The following WWOX variants were observed in gnomAD, a reference collection of about 807,000 sequenced individuals.
The protein encoded by WWOX is WW domain-containing oxidoreductase.
Under a neutral mutation model 46.2 loss-of-function variants are expected in WWOX, and 69 were observed. That is an observed-to-expected ratio of 1.49 (90% CI 1.23 to 1.82). The LOEUF is 1.82. WWOX is among the 40% of genes most tolerant of loss of function. The pLI, the probability that WWOX is intolerant of heterozygous loss-of-function variation, is 0.00. For missense variants in WWOX, 919 were observed against 542.6 expected, an observed-to-expected ratio of 1.69 and a Z score of -6.89; for synonymous variants, 359 against 202.6, an observed-to-expected ratio of 1.77 and a Z score of -6.56.
At chr16:78,602,180 T>C (rs1046092773) in intron 8 of WWOX, among the ~76,000 whole-genome samples, 7 of 152,220 alleles carry the variant, frequency 4.6e-5, no homozygotes, top group African/African-American at 1.4e-4. Flanking sequence ...GAGTTACCTC[T>C]TACTTCAGTA....
chr16:79,027,812 T>G (rs1341478596), intron 8 of WWOX, among the ~76,000 whole-genome samples: 1 of 151,874 alleles, frequency 6.6e-6, no homozygotes, highest in Non-Finnish European at 1.5e-5. Flanking sequence ...GGATGGTTTT[T>G]GTGGTTGCCT....
intron 8 of WWOX, among the ~76,000 whole-genome samples, chr16:78,449,550 G>A (rs548042640): frequency 6.6e-6 from 1 of 152,142 alleles, no homozygotes; most frequent in Admixed American, 6.5e-5. Flanking sequence ...TGAAGCCATA[G>A]CATTTATTAC....
At chr16:78,788,817 G>T (rs1156342040) in intron 8 of WWOX, among the ~76,000 whole-genome samples, 1 of 152,126 alleles carries the variant, frequency 6.6e-6, no homozygotes, top group Non-Finnish European at 1.5e-5. Flanking sequence ...GGGGTATGGG[G>T]GGCAGTCTTG....
intron 8 of WWOX, among the ~76,000 whole-genome samples, chr16:78,870,601 G>T (rs565210220): frequency 1.3e-5 from 2 of 151,966 alleles, no homozygotes; most frequent in Admixed American, 6.6e-5. Context: ...AATGTAATCA[G>T]TTCTTTTTTT....
At chr16:78,137,629 G>T (rs562137366) in intron 4 of WWOX, among the ~76,000 whole-genome samples, 1 of 152,120 alleles carries the variant, frequency 6.6e-6, no homozygotes, top group East Asian at 1.9e-4. Context: ...AAGATGCACC[G>T]TCATATGAAA....
At chr16:78,140,677 T>C (rs142147587) in intron 4 of WWOX, among the ~76,000 whole-genome samples, 202 of 152,274 alleles carry the variant, frequency 1.3e-3, no homozygotes, top group African/African-American at 4.7e-3. Flanking sequence ...TGATCTCCTC[T>C]TCTTCTAAGG....
intron 8 of WWOX, among the ~76,000 whole-genome samples, chr16:78,590,964 C>G (rs780399301): frequency 1.3e-5 from 2 of 152,102 alleles, no homozygotes; most frequent in Non-Finnish European, 2.9e-5. Flanking sequence ...GGCACCTCCT[C>G]ATTTGGTTGA....
At chr16:78,880,138 G>T (rs1447059073) in intron 8 of WWOX, among the ~76,000 whole-genome samples, 2 of 152,298 alleles carry the variant, frequency 1.3e-5, no homozygotes, top group Admixed American at 1.3e-4. Flanking sequence ...CTATTTGGTG[G>T]TTTATTTCAG....
intron 8 of WWOX, among the ~76,000 whole-genome samples, chr16:78,989,393 C>G (rs749125627): frequency 6.6e-6 from 1 of 152,180 alleles, no homozygotes; most frequent in Non-Finnish European, 1.5e-5. Flanking sequence ...CTGATGCAGT[C>G]AAACCACCCT....
chr16:78,237,073 CAAAAAAAA>C (rs35866443), intron 5 of WWOX, among the ~76,000 whole-genome samples: 2 of 80,820 alleles, frequency 2.5e-5, no homozygotes, highest in African/African-American at 4.8e-5. Flanking sequence ...GACTCCGTCT[CAAAAAAAA>C]AAAAAAAAAA....
chr16:78,565,733 C>G (rs555578078), intron 8 of WWOX, among the ~76,000 whole-genome samples: 3 of 152,288 alleles, frequency 2.0e-5, no homozygotes, highest in African/African-American at 7.2e-5. Flanking sequence ...TTCACGTTCC[C>G]TCATCCATAG....
At chr16:78,312,969 G>C (rs1267566379) in intron 5 of WWOX, among the ~76,000 whole-genome samples, 1 of 152,214 alleles carries the variant, frequency 6.6e-6, no homozygotes, top group Non-Finnish European at 1.5e-5. Context: ...GTACAGGAGG[G>C]TTAAGTAGAT....
chr16:78,384,761 G>T (rs1477791931), intron 5 of WWOX, among the ~76,000 whole-genome samples: 1 of 152,172 alleles, frequency 6.6e-6, no homozygotes, highest in Non-Finnish European at 1.5e-5. Flanking sequence ...TTAAATCTGT[G>T]TTTGCCAGTT....
At chr16:79,072,948 C>A (rs1012586310) in intron 8 of WWOX, among the ~76,000 whole-genome samples, 1 of 152,068 alleles carries the variant, frequency 6.6e-6, no homozygotes, top group African/African-American at 2.4e-5. Flanking sequence ...CCCATTTGGA[C>A]TCCGGGTCAT....
At chr16:78,667,762 ATTT>A (rs904761234) in intron 8 of WWOX, among the ~76,000 whole-genome samples, 51 of 151,388 alleles carry the variant, frequency 3.4e-4, no homozygotes, top group Admixed American at 2.4e-3. Context: ...AAATGAACTC[ATTT>A]GAGAGCTCTC....
intron 8 of WWOX, among the ~76,000 whole-genome samples, chr16:78,719,752 T>C (rs1032471350): frequency 4.6e-5 from 7 of 152,196 alleles, no homozygotes; most frequent in African/African-American, 1.7e-4. Context: ...AACTTTAAGC[T>C]TCATCAAGTT....
intron 6 of WWOX, among the ~76,000 whole-genome samples, chr16:78,415,952 G>A (rs145918065): frequency 6.6e-5 from 10 of 152,314 alleles, no homozygotes; most frequent in East Asian, 3.9e-4. Context: ...ATGCCATGGG[G>A]CCACTCATCA....
At chr16:78,250,729 C>G (rs757022451) in intron 5 of WWOX, among the ~76,000 whole-genome samples, 2 of 152,094 alleles carry the variant, frequency 1.3e-5, no homozygotes, top group African/African-American at 4.8e-5. Context: ...CAGAAATGGT[C>G]CAGTGGCAGT....
At chr16:79,185,332 T>C (rs2050992201) in intron 8 of WWOX, among the ~76,000 whole-genome samples, 1 of 152,238 alleles carries the variant, frequency 6.6e-6, no homozygotes, top group Non-Finnish European at 1.5e-5. Context: ...TCCTCCGCTT[T>C]GGTGGCAGGC....
Sources: allele counts gnomAD v4.1 joint callset (sites outside exome capture counted in the v4.1 genomes callset), GRCh38; gene constraint gnomAD v4.1.1; transcripts MANE v1.5; gene names NCBI Gene and HGNC (gene_info 2026-07-23, HGNC 2026-07-21).